Variants in LRRTM4 observed in about 807,000 individuals in gnomAD.
LRRTM4 encodes leucine-rich repeat transmembrane neuronal protein 4.
LRRTM4 carries 25 observed loss-of-function variants against 47.6 expected under a neutral mutation model. The observed-to-expected ratio is 0.53, with a 90% confidence interval of 0.38 to 0.73. The LOEUF is 0.73. Ranked by LOEUF, LRRTM4 falls within the 30% of genes least tolerant of loss-of-function variation. The pLI, the probability that LRRTM4 is intolerant of heterozygous loss-of-function variation, is 0.00. For synonymous variants in LRRTM4, 311 were observed against 269.5 expected, an observed-to-expected ratio of 1.15 and a Z score of -1.51; for missense variants, 638 against 713.4, an observed-to-expected ratio of 0.89 and a Z score of 1.20.
At chr2:76,973,125 C>G (rs1023269666) in intron 3 of LRRTM4, among the ~76,000 whole-genome samples, 1 of 150,652 alleles carries the variant, frequency 6.6e-6, no homozygotes, top group Non-Finnish European at 1.5e-5. Flanking sequence ...TTAATTTTTT[C>G]GTAAAAAGTG....
chr2:76,849,673 A>C (rs1671935876), intron 3 of LRRTM4, among the ~76,000 whole-genome samples: 1 of 152,114 alleles, frequency 6.6e-6, no homozygotes. Context: ...AATAAATTCC[A>C]AAATTCATAA....
Position 77,221,880 on chromosome 2 carries a change from C to T in LRRTM4, c.1551+296438G>A, listed in dbSNP as rs61545830. Among the ~76,000 whole-genome samples the T allele has an allele frequency of 9.5e-3, 1,442 of 152,272 alleles. 26 individuals carry two copies. Among genetic ancestry groups the T allele is most frequent in the African/African-American group, 0.033 (1,375 of 41,528 alleles). On this transcript the variant is annotated intron_variant, in intron 3 of 3. Coordinates refer to ENST00000409884, the MANE Select transcript of LRRTM4 (RefSeq NM_001134745.3). ...CCTAATAGACATCTACAGAACTCTC[C>T]ACCCCAAATCAACAGAATATACATT... is the stretch of plus-strand genomic sequence containing the variant.
At chr2:77,488,028 G>A (rs763482804) in intron 3 of LRRTM4, among the ~76,000 whole-genome samples, 11 of 152,158 alleles carry the variant, frequency 7.2e-5, no homozygotes, top group Non-Finnish European at 1.5e-4. Flanking sequence ...TCTGAAATAA[G>A]TGTAACAAAA....
intron 3 of LRRTM4, among the ~76,000 whole-genome samples, chr2:77,058,473 C>A (rs1034384175): frequency 1.3e-5 from 2 of 151,568 alleles, no homozygotes; most frequent in African/African-American, 2.4e-5. Context: ...GTCCTTCTAG[C>A]CTCTTTTTCT....
chr2:76,810,161 A>T (rs559652874), intron 3 of LRRTM4, among the ~76,000 whole-genome samples: 174 of 152,330 alleles, frequency 1.1e-3, no homozygotes, highest in Admixed American at 3.7e-3. Flanking sequence ...CTTGAAAATG[A>T]GTGGCACTTC....
At chr2:77,245,337 A>C (rs1172586210) in intron 3 of LRRTM4, among the ~76,000 whole-genome samples, 1 of 151,988 alleles carries the variant, frequency 6.6e-6, no homozygotes, top group African/African-American at 2.4e-5. Flanking sequence ...GCTTGAGTAC[A>C]GGAGTTTGAG....
intron 3 of LRRTM4, among the ~76,000 whole-genome samples, chr2:77,508,932 G>GA (rs1489565203): frequency 6.6e-6 from 1 of 151,900 alleles, no homozygotes; most frequent in Non-Finnish European, 1.5e-5. Context: ...CCTGGGGAAT[G>GA]AAAAAACTGT....
At chr2:77,291,810 A>C (rs1327335401) in intron 3 of LRRTM4, among the ~76,000 whole-genome samples, 1 of 152,114 alleles carries the variant, frequency 6.6e-6, no homozygotes. Context: ...CTAAAACACC[A>C]AAAGCAATGG....
chr2:77,335,225 C>T (rs1303632514), intron 3 of LRRTM4, among the ~76,000 whole-genome samples: 4 of 152,216 alleles, frequency 2.6e-5, no homozygotes, highest in African/African-American at 9.6e-5. Context: ...TTATGAAAGC[C>T]TCCAAATCAC....
chr2:77,315,015 A>G (rs905873024), intron 3 of LRRTM4, among the ~76,000 whole-genome samples: 1 of 152,182 alleles, frequency 6.6e-6, no homozygotes, highest in Non-Finnish European at 1.5e-5. Context: ...AGGCTAAGCT[A>G]TGAGGCTCAG....
chr2:76,851,533 C>T (rs1277965250), intron 3 of LRRTM4, among the ~76,000 whole-genome samples: 1 of 151,922 alleles, frequency 6.6e-6, no homozygotes, highest in Non-Finnish European at 1.5e-5. Flanking sequence ...CCCACCTAGA[C>T]CCAACGAGAA....
chr2:77,163,937 A>T (rs535058114), intron 3 of LRRTM4, among the ~76,000 whole-genome samples: 1 of 152,318 alleles, frequency 6.6e-6, no homozygotes. Flanking sequence ...TCATAATGAT[A>T]GGATCAAATT....
intron 3 of LRRTM4, among the ~76,000 whole-genome samples, chr2:77,174,722 T>G (rs868284410): frequency 6.6e-6 from 1 of 152,134 alleles, no homozygotes; most frequent in Non-Finnish European, 1.5e-5. Flanking sequence ...TGTATACATG[T>G]GCCATGTTGG....
intron 3 of LRRTM4, among the ~76,000 whole-genome samples, chr2:76,827,228 T>G (rs570016008): frequency 6.6e-6 from 1 of 151,840 alleles, no homozygotes; most frequent in Non-Finnish European, 1.5e-5. Flanking sequence ...GAACAGAAAG[T>G]TGGTGTATGG....
intron 3 of LRRTM4, among the ~76,000 whole-genome samples, chr2:77,099,487 T>A (rs1485323064): frequency 6.6e-6 from 1 of 152,026 alleles, no homozygotes; most frequent in Non-Finnish European, 1.5e-5. Context: ...ATATAAGATA[T>A]GTTAATAATC....
chr2:77,192,022 C>T (rs983419595), intron 3 of LRRTM4, among the ~76,000 whole-genome samples: 2 of 151,942 alleles, frequency 1.3e-5, no homozygotes, highest in African/African-American at 4.8e-5. Flanking sequence ...ACCTCCCACC[C>T]ACAATAGATA....
chr2:76,900,818 G>C (rs565697202), intron 3 of LRRTM4, among the ~76,000 whole-genome samples: 30 of 152,196 alleles, frequency 2.0e-4, no homozygotes, highest in African/African-American at 6.7e-4. Flanking sequence ...TTCACAATAT[G>C]CTAAGTAAAA....
At chr2:76,786,168 A>G (rs187261830) in intron 3 of LRRTM4, among the ~76,000 whole-genome samples, 1 of 152,244 alleles carries the variant, frequency 6.6e-6, no homozygotes, top group Admixed American at 6.5e-5. Context: ...ATTCTTTTCC[A>G]TTCATAGAGC....
At chr2:77,246,002 A>G (rs1675436535) in intron 3 of LRRTM4, among the ~76,000 whole-genome samples, 1 of 152,214 alleles carries the variant, frequency 6.6e-6, no homozygotes, top group African/African-American at 2.4e-5. Context: ...AAATGCCACT[A>G]AATACACTGT....
Sources: allele counts gnomAD v4.1 joint callset (sites outside exome capture counted in the v4.1 genomes callset), GRCh38; gene constraint gnomAD v4.1.1; transcripts MANE v1.5; gene names NCBI Gene and HGNC (gene_info 2026-07-23, HGNC 2026-07-21).